PAK5: variants seen among roughly 807,000 people sequenced by gnomAD.
PAK5 encodes serine/threonine-protein kinase PAK 5.
Under a neutral mutation model 65.9 loss-of-function variants are expected in PAK5, and 16 were observed. The observed-to-expected ratio is 0.24, with a 90% CI of 0.16 to 0.37. PAK5 has a LOEUF of 0.37. PAK5 is among the 10% of genes least tolerant of loss of function. PAK5 has a pLI of 1.00. For missense variants in PAK5, 785 were observed against 903.9 expected, an observed-to-expected ratio of 0.87 and a Z score of 1.69; for synonymous variants, 371 against 354.9, an observed-to-expected ratio of 1.05 and a Z score of -0.51.
intron 2 of PAK5, among the ~76,000 whole-genome samples, chr20:9,678,150 C>T (rs1265076607): frequency 1.3e-5 from 2 of 152,200 alleles, no homozygotes; most frequent in Admixed American, 1.3e-4. Context: ...TGTTCACAAC[C>T]TTGTGTCTTG....
At chr20:9,675,427 G>A (rs181427278) in intron 2 of PAK5, among the ~76,000 whole-genome samples, 9 of 152,216 alleles carry the variant, frequency 5.9e-5, no homozygotes, top group Middle Eastern at 3.4e-3. Flanking sequence ...CATACAGTAG[G>A]TGCTTTTAAA....
At chr20:9,771,525 A>G (rs1427001701) in intron 1 of PAK5, among the ~76,000 whole-genome samples, 1 of 150,700 alleles carries the variant, frequency 6.6e-6, no homozygotes, top group Non-Finnish European at 1.5e-5. Context: ...CCTCCCACTC[A>G]GCCTCCCAAG....
rs1050454495 is a variant in PAK5, at chr20:9,580,329, T to G, written c.806A>C (p.Lys269Thr). Residue 269 changes from lysine (K) to threonine (T), a missense_variant, in exon 4 of 10, where the codon AAG becomes ACG. Coordinates refer to ENST00000353224, the MANE Select transcript of PAK5 (RefSeq NM_177990.4). ...PSLDDYDRRP[K>T]SSYLNQTSPQ... ...GCTTGTCTGATTCAGGTACGAAGAC[T>G]TTGGCCTCCTGTCATAGTCATCCAG... 6.2e-7 allele frequency: 1 copy of G among 1,614,132 alleles called. No homozygotes were observed. Among genetic ancestry groups the G allele is most frequent in the East Asian group, 2.2e-5 (1 of 44,870 alleles).
intron 3 of PAK5, among the ~76,000 whole-genome samples, chr20:9,591,217 C>T (rs948744377): frequency 6.6e-6 from 1 of 152,020 alleles, no homozygotes; most frequent in African/African-American, 2.4e-5. Context: ...AAGGAATTTT[C>T]CCAGTGTCAC....
At position 9,541,394 on chromosome 20, in the gene PAK5, C is replaced by G. The variant is rs534241152; in HGVS notation, c.2004+1192G>C. Reference sequence around the variant, plus strand: ...TTCTGAGCTCGTCCTAATTGGCAATCCTTGGAAAACAGAAAAGACCCCACT... The same window carrying G: ...TTCTGAGCTCGTCCTAATTGGCAATGCTTGGAAAACAGAAAAGACCCCACT... On this transcript the variant is annotated intron_variant, in intron 9 of 9. Transcript: ENST00000353224. 4.6e-5 allele frequency among the ~76,000 whole-genome samples: 7 copies of G among 152,232 alleles called. No homozygotes were observed. The South Asian group carries it at 1.5e-3, about 32-fold the overall frequency.
rs185841467 is a variant in PAK5 at position 9,642,430 on chromosome 20, A to C, written c.204+1695T>G. On this transcript the variant is annotated intron_variant, in intron 3 of 9. Transcript: ENST00000353224. Reference sequence around the variant, plus strand: ...CCAATGATAATGATAATGATACTCCAGGGTAAGAAAATAAGTCTTAGTTTC... The same window carrying C: ...CCAATGATAATGATAATGATACTCCCGGGTAAGAAAATAAGTCTTAGTTTC... Among the ~76,000 whole-genome samples, 21 of 152,312 alleles carry C rather than the reference A, an allele frequency of 1.4e-4. No individual in the cohort carries two copies. In the East Asian group the frequency reaches 3.9e-3, roughly 28 times the overall value.
At chr20:9,726,146 T>G (rs1317967157) in intron 1 of PAK5, among the ~76,000 whole-genome samples, 1 of 152,144 alleles carries the variant, frequency 6.6e-6, no homozygotes, top group African/African-American at 2.4e-5. Context: ...GATTTTGTGA[T>G]GTTTTCATTG....
chr20:9,826,945 A>AGC (rs1978329060), intron 1 of PAK5, among the ~76,000 whole-genome samples: 1 of 152,090 alleles, frequency 6.6e-6, no homozygotes. Context: ...TATTTACTCT[A>AGC]TTGTGGGGAG....
chr20:9,823,948 C>A (rs766872040), intron 1 of PAK5, among the ~76,000 whole-genome samples: 9 of 152,136 alleles, frequency 5.9e-5, no homozygotes, highest in African/African-American at 1.2e-4. Context: ...GCACAATCTG[C>A]TATTTACTAG....
intron 6 of PAK5, among the ~76,000 whole-genome samples, chr20:9,562,473 T>C (rs2045605686): frequency 6.6e-6 from 1 of 152,322 alleles, no homozygotes; most frequent in Admixed American, 6.5e-5. Context: ...CCAGATTCAT[T>C]ATTTTGATAC....
chr20:9,750,175 G>A (rs1287366472), intron 1 of PAK5, among the ~76,000 whole-genome samples: 6 of 151,856 alleles, frequency 4.0e-5, no homozygotes, highest in East Asian at 1.9e-4. Flanking sequence ...CTCTCTTGGT[G>A]GCAGCAAATG....
intron 1 of PAK5, among the ~76,000 whole-genome samples, chr20:9,757,514 G>C (rs1488282045): frequency 6.6e-6 from 1 of 152,096 alleles, no homozygotes; most frequent in East Asian, 1.9e-4. Flanking sequence ...TTAAAGCTCT[G>C]TTCTCTTCTT....
At chr20:9,824,953 G>A (rs1461397963) in intron 1 of PAK5, among the ~76,000 whole-genome samples, 1 of 152,152 alleles carries the variant, frequency 6.6e-6, no homozygotes, top group Non-Finnish European at 1.5e-5. Flanking sequence ...ATGGGTGAGT[G>A]ACTCGTTGGG....
intron 1 of PAK5, among the ~76,000 whole-genome samples, chr20:9,793,346 A>G (rs1424467059): frequency 6.6e-6 from 1 of 152,182 alleles, no homozygotes. Context: ...GTATCAATGT[A>G]TGCTGTTACA....
chr20:9,735,542 C>G (rs2048378882), intron 1 of PAK5, among the ~76,000 whole-genome samples: 1 of 152,110 alleles, frequency 6.6e-6, no homozygotes, highest in Non-Finnish European at 1.5e-5. Context: ...GTAAAGTACT[C>G]AGGAAGGTCT....
At chr20:9,790,587 C>T (rs2049040248) in intron 1 of PAK5, among the ~76,000 whole-genome samples, 1 of 152,138 alleles carries the variant, frequency 6.6e-6, no homozygotes, top group Non-Finnish European at 1.5e-5. Context: ...CTCACTGCAG[C>T]ATCCAACTCC....
At chr20:9,801,994 G>A (rs1240783867) in intron 1 of PAK5, among the ~76,000 whole-genome samples, 1 of 152,146 alleles carries the variant, frequency 6.6e-6, no homozygotes, top group Non-Finnish European at 1.5e-5. Context: ...AGTAAGGTTG[G>A]CTGATTTTGC....
At chr20:9,741,152 T>C (rs559204981) in intron 1 of PAK5, among the ~76,000 whole-genome samples, 2 of 152,300 alleles carry the variant, frequency 1.3e-5, no homozygotes, top group Middle Eastern at 3.4e-3. Flanking sequence ...TTAAATTGTC[T>C]GCAAAGTTGA....
intron 6 of PAK5, 27 bp from the exon 7 acceptor site, chr20:9,557,761 C>A (rs776009827): frequency 1.5e-5 from 24 of 1,600,934 alleles, no homozygotes; most frequent in Non-Finnish European, 2.0e-5. Context: ...ATTTAAGGAA[C>A]AAGACAGGTT....
Sources: allele counts gnomAD v4.1 joint callset (sites outside exome capture counted in the v4.1 genomes callset), GRCh38; gene constraint gnomAD v4.1.1; transcripts MANE v1.5; gene names NCBI Gene and HGNC (gene_info 2026-07-23, HGNC 2026-07-21).